Variants in NFIB observed in about 807,000 individuals in gnomAD.
NFIB encodes the protein nuclear factor 1 B-type.
A neutral mutation model predicts 61.5 loss-of-function variants in NFIB; 11 were observed. That is an observed-to-expected ratio of 0.18 (90% confidence interval 0.11 to 0.30). NFIB has a LOEUF of 0.30. NFIB is among the 10% of genes least tolerant of loss of function. The probability of loss-of-function intolerance (pLI) is 1.00; values close to 1 mark genes in which losing one functional copy is unlikely to be tolerated. For synonymous variants in NFIB, 260 were observed against 216.5 expected, an observed-to-expected ratio of 1.20 and a Z score of -1.76; for missense variants, 471 against 608.9, an observed-to-expected ratio of 0.77 and a Z score of 2.38.
chr9:14,219,381 T>TAAAAAAA (rs751279935), intron 2 of NFIB, among the ~76,000 whole-genome samples: 1,451 of 73,476 alleles, frequency 0.02, 272 homozygotes, highest in African/African-American at 0.065. Context: ...AGCACTAGGG[T>TAAAAAAA]AAAAAAAAAA....
At chr9:14,451,675 T>A in the NFIB span, among the ~76,000 whole-genome samples, 14 of 152,348 alleles carry the variant, frequency 9.2e-5, no homozygotes, top group East Asian at 3.9e-4. Context: ...CTTGCTTGTA[T>A]AATATGATTA....
intron 2 of NFIB, among the ~76,000 whole-genome samples, chr9:14,223,354 G>C (rs936054653): frequency 1.3e-5 from 2 of 152,134 alleles, no homozygotes; most frequent in African/African-American, 2.4e-5. Context: ...TAATACTCCA[G>C]TTCAGACTCA....
chr9:14,524,740 C>T, the NFIB span, among the ~76,000 whole-genome samples: 1 of 152,172 alleles, frequency 6.6e-6, no homozygotes, highest in Non-Finnish European at 1.5e-5. Flanking sequence ...TAGCATCATA[C>T]AACGTTTTAG....
the NFIB span, among the ~76,000 whole-genome samples, chr9:14,446,000 G>A: frequency 6.6e-6 from 1 of 152,114 alleles, no homozygotes; most frequent in Non-Finnish European, 1.5e-5. Flanking sequence ...CATTTCTGAA[G>A]TACATTTCCA....
At chr9:14,323,585 A>T (rs1470166507) in intron 1 of NFIB, among the ~76,000 whole-genome samples, 1 of 152,244 alleles carries the variant, frequency 6.6e-6, no homozygotes, top group Non-Finnish European at 1.5e-5. Flanking sequence ...TGCACAACAG[A>T]CGACGATAGC....
intron 2 of NFIB, among the ~76,000 whole-genome samples, chr9:14,183,354 C>T (rs1219486103): frequency 2.0e-5 from 3 of 151,940 alleles, no homozygotes; most frequent in Non-Finnish European, 4.4e-5. Flanking sequence ...AACAAGGCTG[C>T]TAAGAGTTGT....
At chr9:14,471,114 C>T in the NFIB span, among the ~76,000 whole-genome samples, 3 of 152,158 alleles carry the variant, frequency 2.0e-5, no homozygotes, top group African/African-American at 7.2e-5. Flanking sequence ...CATAAGGTTA[C>T]TATTAAAAAA....
chr9:14,194,292 T>C (rs189921450), intron 2 of NFIB, among the ~76,000 whole-genome samples: 3 of 152,254 alleles, frequency 2.0e-5, no homozygotes, highest in African/African-American at 4.8e-5. Flanking sequence ...CTTTCCCCAA[T>C]GAGAAACTTA....
rs538515463 is a variant in NFIB at position 14,178,540 on chromosome 9, TGAA to T, written c.616+1184_616+1186del. On this transcript the variant is annotated intron_variant, in intron 3 of 10. Coordinates refer to ENST00000380953, the MANE Select transcript of NFIB (RefSeq NM_001190737.2). ...GTGTTTAATTAGAACTTTTTATCTT[TGAA>T]GTGTATACTACTTTTGTCAACAATA... Among the ~76,000 whole-genome samples, 391 of 152,280 alleles carry T rather than the reference TGAA, an allele frequency of 2.6e-3. 2 individuals carry two copies. The highest frequency in any genetic ancestry group is 3.7e-3 in the African/African-American group (153 of 41,584).
chr9:14,268,553 A>G (rs1343392965), intron 2 of NFIB, among the ~76,000 whole-genome samples: 1 of 152,160 alleles, frequency 6.6e-6, no homozygotes, highest in Non-Finnish European at 1.5e-5. Context: ...ATCCTCGTCT[A>G]ACAAAACGGT....
chr9:14,395,767 G>A (rs1173626578), intron 1 of NFIB, among the ~76,000 whole-genome samples: 1 of 100,382 alleles, frequency 1.0e-5, no homozygotes, highest in African/African-American at 3.9e-5. Flanking sequence ...CACCCAAACA[G>A]CATCCCAGAA....
chr9:14,434,469 A>G, the NFIB span, among the ~76,000 whole-genome samples: 1 of 152,260 alleles, frequency 6.6e-6, no homozygotes, highest in African/African-American at 2.4e-5. Context: ...TAAAAAATAT[A>G]GCAAGAACAA....
intron 2 of NFIB, among the ~76,000 whole-genome samples, chr9:14,288,313 G>C (rs1349177419): frequency 4.0e-5 from 6 of 151,812 alleles, no homozygotes; most frequent in African/African-American, 1.2e-4. Flanking sequence ...GAATAATTTA[G>C]ATATCAGAGT....
chr9:14,313,733 T>G lies in NFIB; in HGVS notation c.-222A>C. 1 of 1,410,936 alleles carries G rather than the reference T, an allele frequency of 7.1e-7. No individual in the cohort carries two copies. Among genetic ancestry groups the G allele is most frequent in the Non-Finnish European group, 9.2e-7 (1 of 1,084,934 alleles). The allele number at this position is 1,410,936 out of a possible 1,614,324, so 87.4% of individuals were successfully genotyped here. On this transcript the variant is annotated 5_prime_UTR_variant, in exon 1 of 11. Transcript: ENST00000380953. This position sits in a 1 kb window ranked among gnomAD's most constrained non-coding sequence, Gnocchi z 4.5. ...CTAGATTTCCAGGGGTGAAATCCAA[T>G]CTACACTTTTAACCCTCTTGCAGTC...
At chr9:14,277,730 T>G (rs1223347416) in intron 2 of NFIB, among the ~76,000 whole-genome samples, 1 of 152,174 alleles carries the variant, frequency 6.6e-6, no homozygotes, top group African/African-American at 2.4e-5. Flanking sequence ...AAATGTCAAG[T>G]ACATTTAAGC....
At chr9:14,286,865 C>G (rs2058738812) in intron 2 of NFIB, among the ~76,000 whole-genome samples, 1 of 152,122 alleles carries the variant, frequency 6.6e-6, no homozygotes, top group African/African-American at 2.4e-5. Context: ...TTTTAAATGT[C>G]AGTGTTCATA....
intron 1 of NFIB, among the ~76,000 whole-genome samples, chr9:14,396,794 G>A (rs1390276894): frequency 6.6e-6 from 1 of 152,162 alleles, no homozygotes; most frequent in Non-Finnish European, 1.5e-5. Context: ...TAAAGAAAAT[G>A]TCATTGTCAC....
At chr9:14,295,584 T>C (rs1174697479) in intron 2 of NFIB, among the ~76,000 whole-genome samples, 2 of 152,084 alleles carry the variant, frequency 1.3e-5, no homozygotes, top group Non-Finnish European at 2.9e-5. Context: ...TGAGCCGAGA[T>C]TGCGCCACTG....
At chr9:14,461,584 T>C in the NFIB span, among the ~76,000 whole-genome samples, 1 of 152,224 alleles carries the variant, frequency 6.6e-6, no homozygotes, top group African/African-American at 2.4e-5. Flanking sequence ...CTTCTGGATA[T>C]AGTACTAACA....
Sources: gnomAD v4.1 joint callset for allele counts (sites outside exome capture counted in the v4.1 genomes callset) on GRCh38, gnomAD v4.1.1 for gene constraint, Gnocchi (gnomAD v3.1) non-coding constraint, MANE v1.5 for transcripts, NCBI Gene and HGNC (gene_info 2026-07-23, HGNC 2026-07-21) for gene names.